The following UNC80 variants were observed in gnomAD, a reference collection of about 807,000 sequenced individuals.
The protein encoded by UNC80 is unc-80 subunit of NALCN channel complex, also known as protein unc-80 homolog.
A neutral mutation model predicts 384.6 loss-of-function variants in UNC80; 164 were observed. That is an observed-to-expected ratio of 0.43 (90% CI 0.38 to 0.49). UNC80 has a LOEUF of 0.49. UNC80 is among the 20% of genes least tolerant of loss of function. The probability of loss-of-function intolerance (pLI) is 0.00; values close to 1 mark genes in which losing one functional copy is unlikely to be tolerated. For missense variants in UNC80, 3,330 were observed against 4,143.0 expected, an observed-to-expected ratio of 0.80 and a Z score of 5.39; for synonymous variants, 1,486 against 1,527.8, an observed-to-expected ratio of 0.97 and a Z score of 0.64.
intron 4 of UNC80, among the ~76,000 whole-genome samples, chr2:209,785,685 T>G (rs1008084008): frequency 6.6e-6 from 1 of 151,982 alleles, no homozygotes; most frequent in African/African-American, 2.4e-5. Context: ...TGAGGGAGAA[T>G]AAGGACAACT....
chr2:209,805,423 A>AG (rs2078830734), intron 7 of UNC80, among the ~76,000 whole-genome samples: 1 of 152,178 alleles, frequency 6.6e-6, no homozygotes, highest in East Asian at 1.9e-4. Context: ...AAGGACGTTT[A>AG]TTTTTTTGCA....
chr2:209,992,126 A>T, intron 61 of UNC80, 40 bp from the exon 62 acceptor site: 1 of 1,509,064 alleles, frequency 6.6e-7, no homozygotes, highest in East Asian at 2.5e-5. Flanking sequence ...AGTCTCCTGT[A>T]CTCTCTCCGG....
chr2:209,817,206 A>G, intron 10 of UNC80, 81 bp downstream of exon 10: 1 of 1,362,280 alleles, frequency 7.3e-7, no homozygotes, highest in South Asian at 1.3e-5. Flanking sequence ...GGCAAATCTG[A>G]ATCTTTCTTG....
rs571463017 is a variant in UNC80, at chr2:209,971,892, A to T, written c.8257-309A>T. Reference sequence around the variant, plus strand: ...CTTCTCCTTTGTTGTTAAAATATTTATTGGTAGAAAAATAGAGAAAATTAA... The same window carrying T: ...CTTCTCCTTTGTTGTTAAAATATTTTTTGGTAGAAAAATAGAGAAAATTAA... On this transcript the variant is annotated intron_variant, in intron 54 of 64. Coordinates refer to ENST00000673920, the MANE Select transcript of UNC80 (RefSeq NM_001371986.1). Among the ~76,000 whole-genome samples the T allele has an allele frequency of 7.2e-5, 11 of 152,348 alleles. No individual in the cohort carries two copies. In the South Asian group the frequency reaches 2.1e-3, roughly 29 times the overall value.
chr2:209,902,953 C>A (rs2087594305), intron 28 of UNC80, among the ~76,000 whole-genome samples: 1 of 145,806 alleles, frequency 6.9e-6, no homozygotes, highest in Non-Finnish European at 1.5e-5. Context: ...GTACAGTCAT[C>A]CCTTGGTATC....
intron 59 of UNC80, 108 bp downstream of exon 59, chr2:209,978,816 C>T (rs781250301): frequency 9.0e-6 from 10 of 1,115,034 alleles, no homozygotes; most frequent in Non-Finnish European, 1.2e-5. Context: ...ATCCCCTAGT[C>T]ATTTTTACAA....
At chr2:209,862,124 G>A (rs1163371424) in intron 22 of UNC80, among the ~76,000 whole-genome samples, 1 of 152,156 alleles carries the variant, frequency 6.6e-6, no homozygotes, top group Non-Finnish European at 1.5e-5. Context: ...TAATTGTGAT[G>A]TTAGGGTGTC....
At chr2:209,783,489 A>G (rs1235543835) in intron 4 of UNC80, among the ~76,000 whole-genome samples, 1 of 152,166 alleles carries the variant, frequency 6.6e-6, no homozygotes, top group East Asian at 1.9e-4. Flanking sequence ...AAGGTAAAAC[A>G]TGTTCAATTA....
intron 21 of UNC80, among the ~76,000 whole-genome samples, chr2:209,847,239 C>G (rs2082233866): frequency 6.6e-6 from 1 of 151,978 alleles, no homozygotes; most frequent in Admixed American, 6.6e-5. Context: ...CCCAAAAATA[C>G]ATTCTCTTTT....
At chr2:209,819,328 G>A in intron 12 of UNC80, 67 bp downstream of exon 12, 2 of 1,439,906 alleles carry the variant, frequency 1.4e-6, no homozygotes, top group Non-Finnish European at 1.8e-6. Context: ...TTTTTGCAAT[G>A]TTATATAAAA....
intron 7 of UNC80, among the ~76,000 whole-genome samples, chr2:209,801,377 CTTTTTT>C (rs35079056): frequency 6.1e-5 from 4 of 65,974 alleles, no homozygotes; most frequent in East Asian, 5.1e-4. Context: ...GCAACCCCTG[CTTTTTT>C]TTTTTTTTTT....
chr2:209,855,404 G>T (rs1405599249), intron 22 of UNC80, among the ~76,000 whole-genome samples: 1 of 152,046 alleles, frequency 6.6e-6, no homozygotes, highest in Non-Finnish European at 1.5e-5. Context: ...AACCACCATG[G>T]CACAAGTTTA....
intron 60 of UNC80, among the ~76,000 whole-genome samples, chr2:209,984,145 A>G (rs1455105295): frequency 6.6e-6 from 1 of 152,248 alleles, no homozygotes. Context: ...AGCTACATAC[A>G]TATCAATCAA....
Position 209,993,433 on chromosome 2 carries a change from C to A in UNC80, c.9508+7C>A. ...CCTAAAACGAAGCCGTCTGGTGAGGCCTCCTGTGTCCCTTCTGACTATACC... is the reference window on the plus strand; with the variant it reads ...CCTAAAACGAAGCCGTCTGGTGAGGACTCCTGTGTCCCTTCTGACTATACC... On this transcript the variant is annotated splice_region_variant and intron_variant, in intron 63 of 64. Coordinates refer to ENST00000673920, the MANE Select transcript of UNC80 (RefSeq NM_001371986.1). 4.5e-6 allele frequency: 7 copies of A among 1,549,746 alleles called. No individual in the cohort carries two copies. Among genetic ancestry groups the A allele is most frequent in the Non-Finnish European group, 6.1e-6 (7 of 1,145,328 alleles).
rs529053473 is a variant in UNC80, at chr2:209,838,831, T to G, written c.3042-391T>G. 2.0e-3 allele frequency among the ~76,000 whole-genome samples: 302 copies of G among 152,136 alleles called. 1 individual carries two copies. Among genetic ancestry groups the G allele is most frequent in the Non-Finnish European group, 2.2e-3 (150 of 67,982 alleles). The stretch of plus-strand genomic sequence containing the variant: ...AAAAAATTAGCCGGGTGTGGTGGCA[T>G]ACGCCTGTAGTCCCAGCTACTCCGG... On this transcript the variant is annotated intron_variant, in intron 18 of 64. Coordinates refer to ENST00000673920, the MANE Select transcript of UNC80 (RefSeq NM_001371986.1).
intron 54 of UNC80, 124 bp downstream of exon 54, chr2:209,971,081 T>G: frequency 6.2e-6 from 8 of 1,284,122 alleles, no homozygotes; most frequent in Non-Finnish European, 7.3e-6. Context: ...TAAACATCTC[T>G]AAACTTTTAT....
chr2:209,820,629 G>A lies in UNC80; in HGVS notation c.2281G>A (p.Gly761Arg), dbSNP rs930093689. The A allele has an allele frequency of 1.7e-5, 26 of 1,550,684 alleles. No homozygotes were observed. The Admixed American group carries it at 4.5e-4, about 27-fold the overall frequency. ...TGGAGGAGGTGATGGAGGAGGAGGT[G>A]GAGGAGGTGGAGGCGGCCCTTATGA... Reference protein sequence around the residue: ...GGGGGDGGGGGGGGGGPYEKN... With the variant: ...GGGGGDGGGGRGGGGGPYEKN... The change falls in exon 13 of 65, where the codon GGA becomes AGA. Residue 761 changes from glycine (G) to arginine (R), a missense_variant. Physicochemically the swap from Gly to Arg is moderately radical, Grantham distance 125. Coordinates refer to ENST00000673920, the MANE Select transcript of UNC80 (RefSeq NM_001371986.1).
intron 29 of UNC80, 85 bp from the exon 30 acceptor site, chr2:209,912,475 T>G: frequency 1.3e-6 from 1 of 763,794 alleles, no homozygotes; most frequent in Non-Finnish European, 1.9e-6. Flanking sequence ...AGAAGATGGT[T>G]GCCTGGAGAA....
intron 7 of UNC80, among the ~76,000 whole-genome samples, chr2:209,802,157 T>C (rs2078603067): frequency 6.6e-6 from 1 of 152,024 alleles, no homozygotes; most frequent in East Asian, 1.9e-4. Context: ...GAGAGGGGGA[T>C]GGATGGGGAA....
Sources: gnomAD v4.1 joint callset for allele counts (sites outside exome capture counted in the v4.1 genomes callset) on GRCh38, gnomAD v4.1.1 for gene constraint, MANE v1.5 for transcripts, NCBI Gene and HGNC (gene_info 2026-07-23, HGNC 2026-07-21) for gene names.